PEX5L: variants seen among roughly 807,000 people sequenced by gnomAD.
The protein encoded by PEX5L is PEX5-related protein.
A neutral mutation model predicts 84.0 loss-of-function variants in PEX5L; 30 were observed. The ratio of observed to expected loss-of-function variants is 0.36; its 90% CI spans 0.27 to 0.48. The LOEUF is 0.48. Ranked by LOEUF, PEX5L falls within the 20% of genes least tolerant of loss-of-function variation. The pLI is 0.99. For missense variants in PEX5L, 533 were observed against 754.6 expected (o/e 0.71, Z 3.44); for synonymous variants, 270 against 283.1 (o/e 0.95, Z 0.46).
intron 11 of PEX5L, 139 bp from the exon 12 acceptor site, chr3:179,809,807 C>T (rs1198491478): frequency 1.6e-5 from 10 of 636,204 alleles, no homozygotes; most frequent in Admixed American, 5.9e-5. Context: ...TCCTGGAAAG[C>T]ACCATATTTA....
At chr3:179,851,398 C>T (rs1202746257) in intron 8 of PEX5L, among the ~76,000 whole-genome samples, 1 of 152,126 alleles carries the variant, frequency 6.6e-6, no homozygotes, top group East Asian at 1.9e-4. Flanking sequence ...CATTTTCCAC[C>T]TTCATGACCT....
chr3:179,884,344 G>T (rs552186524), intron 4 of PEX5L, among the ~76,000 whole-genome samples: 2 of 152,300 alleles, frequency 1.3e-5, no homozygotes, highest in Admixed American at 6.5e-5. Context: ...GTGCAGTTAG[G>T]GGGGTCAGAG....
rs564521836 is a variant in PEX5L at position 180,034,421 on chromosome 3, AG to A, written c.21+2157del. On this transcript the variant is annotated intron_variant, in intron 1 of 14. Coordinates refer to ENST00000467460, the MANE Select transcript of PEX5L (RefSeq NM_016559.3). ...TTTCTTCTTATCTGTGATTAGAGTC[AG>A]GTACACACAGGAAGATGATAGTATC... 2.9e-3 allele frequency among the ~76,000 whole-genome samples: 448 copies of A among 152,328 alleles called. 1 individual carries two copies. The highest frequency in any genetic ancestry group is 5.1e-3 in the Non-Finnish European group (345 of 68,004).
intron 2 of PEX5L, chr3:179,921,528 A>T (rs1453296801): frequency 6.6e-6 from 1 of 152,150 alleles, no homozygotes; most frequent in Non-Finnish European, 1.5e-5. Context: ...TAACCTCTTG[A>T]TCTTTATGAC....
intron 1 of PEX5L, among the ~76,000 whole-genome samples, chr3:180,013,626 G>A (rs1389132130): frequency 6.6e-6 from 1 of 152,120 alleles, no homozygotes; most frequent in Non-Finnish European, 1.5e-5. Flanking sequence ...TGCCAGAGAG[G>A]ACTGAAGTTT....
At chr3:179,866,516 C>T (rs1015391105) in intron 7 of PEX5L, among the ~76,000 whole-genome samples, 34 of 152,300 alleles carry the variant, frequency 2.2e-4, no homozygotes, top group African/African-American at 7.5e-4. Context: ...CATGTAAATA[C>T]ACCATACATA....
At chr3:179,984,176 T>G (rs1360708419) in intron 1 of PEX5L, among the ~76,000 whole-genome samples, 1 of 152,130 alleles carries the variant, frequency 6.6e-6, no homozygotes, top group Non-Finnish European at 1.5e-5. Context: ...AAATACGATT[T>G]CCTTTCTCAA....
chr3:180,003,047 G>T (rs1788566237), intron 1 of PEX5L, among the ~76,000 whole-genome samples: 1 of 152,116 alleles, frequency 6.6e-6, no homozygotes, highest in Non-Finnish European at 1.5e-5. Context: ...ACAGAGAAAA[G>T]AACGATAAAA....
At chr3:179,847,555 C>T (rs1740028830) in intron 8 of PEX5L, among the ~76,000 whole-genome samples, 1 of 152,118 alleles carries the variant, frequency 6.6e-6, no homozygotes, top group South Asian at 2.1e-4. Context: ...TGTCTCTTTG[C>T]CCACAGGGAG....
At chr3:179,918,527 C>T (rs912552679) in intron 2 of PEX5L, among the ~76,000 whole-genome samples, 4 of 152,154 alleles carry the variant, frequency 2.6e-5, no homozygotes, top group Non-Finnish European at 4.4e-5. Flanking sequence ...CAGTAAAACT[C>T]CCTTTCTACC....
intron 2 of PEX5L, among the ~76,000 whole-genome samples, chr3:179,960,326 CGAT>C (rs1440860468): frequency 7.9e-5 from 12 of 152,112 alleles, no homozygotes; most frequent in African/African-American, 2.9e-4. Context: ...ATCAAACACT[CGAT>C]GCTTCAAGGT....
chr3:179,839,696 TA>T (rs951937292), intron 8 of PEX5L, among the ~76,000 whole-genome samples: 6 of 152,178 alleles, frequency 3.9e-5, no homozygotes, highest in African/African-American at 1.4e-4. Flanking sequence ...TGCACCATCC[TA>T]GGGAATGGAG....
At chr3:180,000,688 T>C (rs1788319301) in intron 1 of PEX5L, among the ~76,000 whole-genome samples, 1 of 151,532 alleles carries the variant, frequency 6.6e-6, no homozygotes, top group Non-Finnish European at 1.5e-5. Flanking sequence ...TAAGAAGATA[T>C]GTTGATTTTA....
In PEX5L at chr3:179,917,514, G is replaced by A. The variant is rs930853581; in HGVS notation, c.94-19268C>T. On this transcript the variant is annotated intron_variant, in intron 2 of 14. Transcript: ENST00000467460. ...GGCAGCACAGTAATTTGTCTTCACC[G>A]GCATCACCACAGACAAGGGAGTAAT... 2.6e-5 allele frequency among the ~76,000 whole-genome samples: 4 copies of A among 152,042 alleles called. No homozygotes were observed. In the East Asian group the frequency reaches 5.8e-4, roughly 22 times the overall value.
chr3:179,976,094 C>T lies in PEX5L; in HGVS notation c.22-4429G>A, dbSNP rs544106963. On this transcript the variant is annotated intron_variant, in intron 1 of 14. Transcript: ENST00000467460. ...ACAGAGAAGGAAGAGATGAGGACTACGGCCAGAGTCCTAGAGAACAGTTGC... is the reference window on the plus strand; with the variant it reads ...ACAGAGAAGGAAGAGATGAGGACTATGGCCAGAGTCCTAGAGAACAGTTGC... 6.6e-5 allele frequency among the ~76,000 whole-genome samples: 10 copies of T among 152,208 alleles called. No homozygotes were observed. The South Asian group carries it at 1.5e-3, about 22-fold the overall frequency.
At chr3:179,824,543 T>TA (rs1459054318) in intron 8 of PEX5L, among the ~76,000 whole-genome samples, 1 of 151,686 alleles carries the variant, frequency 6.6e-6, no homozygotes, top group Non-Finnish European at 1.5e-5. Context: ...CCGTCTGTAC[T>TA]AAAAAATACA....
chr3:179,869,518 T>A (rs1030378390), intron 7 of PEX5L, among the ~76,000 whole-genome samples: 1 of 152,194 alleles, frequency 6.6e-6, no homozygotes, highest in Non-Finnish European at 1.5e-5. Context: ...TTGTTGGGGC[T>A]CAGAAAAATG....
At chr3:179,829,091 A>C (rs901677939) in intron 8 of PEX5L, among the ~76,000 whole-genome samples, 1 of 152,226 alleles carries the variant, frequency 6.6e-6, no homozygotes, top group Non-Finnish European at 1.5e-5. Flanking sequence ...ATAATTATGT[A>C]TACAGAGTAG....
chr3:179,998,473 C>T (rs551805801), intron 1 of PEX5L, among the ~76,000 whole-genome samples: 299 of 152,280 alleles, frequency 2.0e-3, no homozygotes, highest in African/African-American at 6.9e-3. Flanking sequence ...TTGGAGCCTT[C>T]GGCAGACCTC....
Sources: gnomAD v4.1 joint callset for allele counts (sites outside exome capture counted in the v4.1 genomes callset) on GRCh38, gnomAD v4.1.1 for gene constraint, MANE v1.5 for transcripts, NCBI Gene and HGNC (gene_info 2026-07-23, HGNC 2026-07-21) for gene names.